Variants in CLOCK observed in about 807,000 individuals in gnomAD.
The protein encoded by CLOCK is clock circadian regulator.
A neutral mutation model predicts 118.4 loss-of-function variants in CLOCK; 43 were observed. That is an observed-to-expected ratio of 0.36 (90% confidence interval 0.28 to 0.47). The LOEUF is 0.47. Among genes scored for constraint, CLOCK ranks in the 20% least tolerant of loss-of-function variants. The probability of loss-of-function intolerance (pLI) is 1.00; values close to 1 mark genes in which losing one functional copy is unlikely to be tolerated. For missense variants in CLOCK, 846 were observed against 999.9 expected (o/e 0.85, Z 2.08); for synonymous variants, 326 against 339.2 (o/e 0.96, Z 0.43).
chr4:55,509,436 G>A (rs1729006407), intron 2 of CLOCK, among the ~76,000 whole-genome samples: 1 of 152,044 alleles, frequency 6.6e-6, no homozygotes, highest in Non-Finnish European at 1.5e-5. Flanking sequence ...CTTAGCTCAT[G>A]AGTCATACCA....
At chr4:55,446,666 G>A (rs1336912495) in intron 18 of CLOCK, among the ~76,000 whole-genome samples, 1 of 152,178 alleles carries the variant, frequency 6.6e-6, no homozygotes, top group African/African-American at 2.4e-5. Flanking sequence ...CTTGAGTCAT[G>A]AGCAGCTCCT....
At chr4:55,446,276 A>G (rs1010585107) in intron 18 of CLOCK, among the ~76,000 whole-genome samples, 7 of 151,392 alleles carry the variant, frequency 4.6e-5, no homozygotes, top group African/African-American at 7.3e-5. Flanking sequence ...TTTTTAAGAG[A>G]TGGGGTCTCA....
chr4:55,438,627 T>TA, intron 21 of CLOCK, 90 bp from the exon 22 acceptor site: 1 of 1,585,846 alleles, frequency 6.3e-7, no homozygotes. Flanking sequence ...CCTAAGATAA[T>TA]ACCCAATGAC....
intron 1 of CLOCK, among the ~76,000 whole-genome samples, chr4:55,520,471 C>G (rs1729788638): frequency 6.6e-6 from 1 of 152,184 alleles, no homozygotes; most frequent in Non-Finnish European, 1.5e-5. Flanking sequence ...TTATGAGGAT[C>G]TGCTTTTGTA....
intron 15 of CLOCK, among the ~76,000 whole-genome samples, chr4:55,450,662 C>A (rs4864993): frequency 6.6e-6 from 1 of 151,732 alleles, no homozygotes; most frequent in Non-Finnish European, 1.5e-5. Flanking sequence ...CCAGCTACTC[C>A]GGCGGCTGAG....
chr4:55,449,850 G>A lies in CLOCK; in HGVS notation c.1348+241C>T, dbSNP rs572270756. ...ATAAATAGTTGCCTTTCTTTTTGAG[G>A]GATGATTAAAAACATCACCATCACC... On this transcript the variant is annotated intron_variant, in intron 16 of 22. Transcript: ENST00000513440. Among the ~76,000 whole-genome samples, 3 of 152,112 alleles carry A rather than the reference G, an allele frequency of 2.0e-5. No individual in the cohort carries two copies. In the East Asian group the frequency reaches 5.8e-4, roughly 29 times the overall value.
chr4:55,500,193 A>G (rs1367079667), intron 2 of CLOCK, among the ~76,000 whole-genome samples: 1 of 150,470 alleles, frequency 6.6e-6, no homozygotes. Context: ...TAACAAAAAG[A>G]AAAAAAAAAT....
At chr4:55,487,059 T>C (rs1480918871) in intron 3 of CLOCK, among the ~76,000 whole-genome samples, 2 of 152,176 alleles carry the variant, frequency 1.3e-5, no homozygotes, top group South Asian at 2.1e-4. Context: ...CTACTTTCAA[T>C]AGATTTTATT....
At chr4:55,457,922 A>AT (rs367847021) in intron 11 of CLOCK, among the ~76,000 whole-genome samples, 11 of 152,062 alleles carry the variant, frequency 7.2e-5, no homozygotes, top group African/African-American at 2.7e-4. Flanking sequence ...TAGGGTTGTC[A>AT]TAAGAATTAA....
chr4:55,492,777 G>A (rs901806122), intron 2 of CLOCK, among the ~76,000 whole-genome samples: 4 of 152,084 alleles, frequency 2.6e-5, no homozygotes, highest in African/African-American at 7.2e-5. Flanking sequence ...CCCAGGAAGC[G>A]GAGGTTGCAG....
chr4:55,511,438 T>G (rs1386275384), intron 1 of CLOCK, among the ~76,000 whole-genome samples: 1 of 152,186 alleles, frequency 6.6e-6, no homozygotes, highest in East Asian at 1.9e-4. Flanking sequence ...AAAAAAGACT[T>G]TAGAACATTA....
intron 11 of CLOCK, among the ~76,000 whole-genome samples, chr4:55,458,001 G>T (rs1396283021): frequency 1.3e-5 from 2 of 152,084 alleles, no homozygotes; most frequent in Admixed American, 6.5e-5. Context: ...TATTTCATAA[G>T]ATCAAAACAA....
rs768704378 is a variant in CLOCK, at chr4:55,500,479, G to C, written c.-136+9433C>G. 4.6e-5 allele frequency among the ~76,000 whole-genome samples: 7 copies of C among 152,080 alleles called. No individual in the cohort carries two copies. In the East Asian group the frequency reaches 1.2e-3, roughly 25 times the overall value. On this transcript the variant is annotated intron_variant, in intron 2 of 22. Coordinates refer to ENST00000513440, the MANE Select transcript of CLOCK (RefSeq NM_004898.4). Reference sequence around the variant, plus strand: ...TGCCTCAGCCTCCCAATGTAGCTGGGATTACAGGTACACACCATCATGCCC... The same window carrying C: ...TGCCTCAGCCTCCCAATGTAGCTGGCATTACAGGTACACACCATCATGCCC...
intron 22 of CLOCK, 74 bp from the exon 23 acceptor site, chr4:55,435,668 C>T: frequency 6.8e-7 from 1 of 1,465,054 alleles, no homozygotes; most frequent in South Asian, 1.1e-5. Flanking sequence ...CTCACACTCT[C>T]CCCTGTCCAT....
At chr4:55,509,062 A>C (rs749299364) in intron 2 of CLOCK, among the ~76,000 whole-genome samples, 19 of 152,226 alleles carry the variant, frequency 1.2e-4, no homozygotes, top group Admixed American at 3.3e-4. Context: ...ACTCAAGGCA[A>C]CTGTAACACA....
At chr4:55,527,898 A>G (rs1345281795) in intron 1 of CLOCK, among the ~76,000 whole-genome samples, 1 of 152,038 alleles carries the variant, frequency 6.6e-6, no homozygotes, top group Admixed American at 6.5e-5. Flanking sequence ...TTAAAAAATT[A>G]GCTGGGCATA....
chr4:55,457,914 G>A (rs1339416484), intron 11 of CLOCK, among the ~76,000 whole-genome samples: 1 of 151,570 alleles, frequency 6.6e-6, no homozygotes, highest in Admixed American at 6.6e-5. Context: ...CTAACTTATA[G>A]GGTTGTCATA....
rs1248720422 is a variant in CLOCK, at chr4:55,430,940, A to G, written c.*4475T>C. On this transcript the variant is annotated 3_prime_UTR_variant, in exon 23 of 23. Coordinates refer to ENST00000513440, the MANE Select transcript of CLOCK (RefSeq NM_004898.4). Reference sequence around the variant, plus strand: ...AACAAAAATCAAAGTTCATTTGGCTATCTTGAAATCACTCCCATAAACCAA... The same window carrying G: ...AACAAAAATCAAAGTTCATTTGGCTGTCTTGAAATCACTCCCATAAACCAA... 1 of 152,212 alleles carries G rather than the reference A, an allele frequency of 6.6e-6. No homozygotes were observed. The highest frequency in any genetic ancestry group is 2.4e-5 in the African/African-American group (1 of 41,462). 9.4% of individuals were successfully genotyped at this position (152,212 alleles called of 1,614,324 possible).
In CLOCK at chr4:55,448,762, C is replaced by T. The variant is rs1724161042; in HGVS notation, c.1539+17G>A. ...ATCATATTCAAATACGCAACTGAAA[C>T]AAAAACCAAAAAGTACCTGGGACAT... On this transcript the variant is annotated intron_variant, in intron 18 of 22. Coordinates refer to ENST00000513440, the MANE Select transcript of CLOCK (RefSeq NM_004898.4). The T allele has an allele frequency of 6.2e-7, 1 of 1,608,168 alleles. No homozygotes were observed. The highest frequency in any genetic ancestry group is 1.3e-5 in the African/African-American group (1 of 74,620).
Sources: allele counts gnomAD v4.1 joint callset (sites outside exome capture counted in the v4.1 genomes callset), GRCh38; gene constraint gnomAD v4.1.1; transcripts MANE v1.5; gene names NCBI Gene and HGNC (gene_info 2026-07-23, HGNC 2026-07-21).